Variants in CAMTA1 observed in about 807,000 individuals in gnomAD.
The protein encoded by CAMTA1 is calmodulin-binding transcription activator 1.
A neutral mutation model predicts 170.9 loss-of-function variants in CAMTA1; 27 were observed. The observed-to-expected ratio is 0.16, with a 90% confidence interval of 0.12 to 0.22. CAMTA1 has a LOEUF of 0.22. Among genes scored for constraint, CAMTA1 ranks in the 10% least tolerant of loss-of-function variants. The pLI is 1.00. For synonymous variants in CAMTA1, 833 were observed against 891.5 expected (o/e 0.93, Z 1.17); for missense variants, 1,619 against 2,217.2 (o/e 0.73, Z 5.42).
At chr1:7,479,976 T>C (rs905180466) in intron 6 of CAMTA1, among the ~76,000 whole-genome samples, 22 of 151,996 alleles carry the variant, frequency 1.4e-4, no homozygotes, top group Admixed American at 1.2e-3. Flanking sequence ...CAAGTGTGTA[T>C]ATATGTGAAT....
chr1:7,521,920 C>T (rs2094370966), intron 6 of CAMTA1, among the ~76,000 whole-genome samples: 1 of 152,216 alleles, frequency 6.6e-6, no homozygotes, highest in Non-Finnish European at 1.5e-5. Context: ...GAACCATTTA[C>T]TCATTGAAGG....
At chr1:7,420,894 C>A (rs141416209) in intron 5 of CAMTA1, among the ~76,000 whole-genome samples, 80 of 152,270 alleles carry the variant, frequency 5.3e-4, no homozygotes, top group African/African-American at 1.8e-3. Context: ...TGGACTTGAG[C>A]CTGAAGCACC....
chr1:7,316,861 G>C (rs1677590588), intron 5 of CAMTA1, among the ~76,000 whole-genome samples: 1 of 152,152 alleles, frequency 6.6e-6, no homozygotes, highest in African/African-American at 2.4e-5. Flanking sequence ...GCTGAAACTT[G>C]AGGGTGAGTT....
intron 3 of CAMTA1, among the ~76,000 whole-genome samples, chr1:6,973,307 C>A (rs549300043): frequency 2.0e-5 from 3 of 152,316 alleles, no homozygotes; most frequent in South Asian, 4.1e-4. Flanking sequence ...TCCTGACAAC[C>A]ACCACTGCAG....
In CAMTA1 at chr1:7,547,857, C is replaced by A. The variant is rs959888267; in HGVS notation, c.510+79956C>A. Among the ~76,000 whole-genome samples the A allele has an allele frequency of 1.2e-4, 18 of 152,120 alleles. No individual in the cohort carries two copies. Among genetic ancestry groups the A allele is most frequent in the African/African-American group, 4.1e-4 (17 of 41,400 alleles). ...CCCTCCAAACCCAGACTCTGACACC[C>A]CTTGCAAGGGCACTCCACTGTGTGG... is the stretch of plus-strand genomic sequence containing the variant. On this transcript the variant is annotated intron_variant, in intron 6 of 22. Coordinates refer to ENST00000303635, the MANE Select transcript of CAMTA1 (RefSeq NM_015215.4). The surrounding 1 kb of genome is among the most constrained non-coding windows in gnomAD (Gnocchi z 5.7).
At chr1:7,233,349 C>G (rs951974800) in intron 4 of CAMTA1, among the ~76,000 whole-genome samples, 1 of 152,118 alleles carries the variant, frequency 6.6e-6, no homozygotes, top group African/African-American at 2.4e-5. Flanking sequence ...GAGCAGGGCT[C>G]CCATCACTGT....
intron 4 of CAMTA1, among the ~76,000 whole-genome samples, chr1:7,193,162 C>A (rs1433021847): frequency 6.6e-6 from 1 of 151,900 alleles, no homozygotes; most frequent in Non-Finnish European, 1.5e-5. Context: ...ACCAGCCTGG[C>A]CAACATGGTG....
intron 5 of CAMTA1, among the ~76,000 whole-genome samples, chr1:7,403,828 G>A (rs1002455568): frequency 5.1e-4 from 78 of 152,202 alleles, no homozygotes; most frequent in African/African-American, 1.8e-3. Flanking sequence ...AATCCTCACC[G>A]CAACCCCCCA....
chr1:7,260,763 AT>A (rs1371860993), intron 5 of CAMTA1, among the ~76,000 whole-genome samples: 1 of 152,198 alleles, frequency 6.6e-6, no homozygotes, highest in Non-Finnish European at 1.5e-5. Flanking sequence ...CACAGATGCT[AT>A]TTGTCCATGT....
chr1:6,880,791 A>G (rs1671342099), intron 3 of CAMTA1, among the ~76,000 whole-genome samples: 1 of 151,882 alleles, frequency 6.6e-6, no homozygotes, highest in Non-Finnish European at 1.5e-5. Context: ...AAATTCAAAT[A>G]TTTGTTTGTT....
At chr1:7,061,006 C>T (rs1708122635) in intron 3 of CAMTA1, among the ~76,000 whole-genome samples, 2 of 152,130 alleles carry the variant, frequency 1.3e-5, no homozygotes, top group Non-Finnish European at 2.9e-5. Context: ...TTTATTCCCT[C>T]TCAATTTATT....
At position 7,248,186 on chromosome 1, in the gene CAMTA1, A is replaced by G. The variant is rs567723297; in HGVS notation, c.303-1305A>G. On this transcript the variant is annotated intron_variant, in intron 4 of 22. Transcript: ENST00000303635. The surrounding 1 kb of genome is among the most constrained non-coding windows in gnomAD (Gnocchi z 4.0). ...CAGACAATAGAATATGAAGCCATCA[A>G]CAGCCAATGTTCTGTGCTGCTTGTG... 6.6e-6 allele frequency among the ~76,000 whole-genome samples: 1 copy of G among 152,170 alleles called. No homozygotes were observed. Among genetic ancestry groups the G allele is most frequent in the African/African-American group, 2.4e-5 (1 of 41,444 alleles).
At position 6,973,797 on chromosome 1, in the gene CAMTA1, G is replaced by T. The variant is rs181311508; in HGVS notation, c.235-117507G>T. The stretch of plus-strand genomic sequence containing the variant: ...TCTTGGTCCCATGGCTGTTCATGTG[G>T]CCCTGAGAGCGAATGAAAGTATCGC... On this transcript the variant is annotated intron_variant, in intron 3 of 22. Coordinates refer to ENST00000303635, the MANE Select transcript of CAMTA1 (RefSeq NM_015215.4). 4.2e-3 allele frequency among the ~76,000 whole-genome samples: 634 copies of T among 152,272 alleles called. 4 individuals carry two copies. The highest frequency in any genetic ancestry group is 0.014 in the African/African-American group (592 of 41,548).
At chr1:7,529,366 A>AT (rs1044113192) in intron 6 of CAMTA1, among the ~76,000 whole-genome samples, 1 of 151,818 alleles carries the variant, frequency 6.6e-6, no homozygotes, top group African/African-American at 2.4e-5. Flanking sequence ...CTCTCGGTGC[A>AT]TACCATGTGG....
At chr1:7,122,936 G>A (rs1263301959) in intron 4 of CAMTA1, among the ~76,000 whole-genome samples, 4 of 152,162 alleles carry the variant, frequency 2.6e-5, no homozygotes, top group Non-Finnish European at 4.4e-5. Context: ...AAGTCAAGGC[G>A]CTCTGTAAAA....
In CAMTA1 at chr1:7,687,569, G is replaced by A. The variant is rs183038307; in HGVS notation, c.2914+9836G>A. ...CCTCCTGGACTCTTGCCTGGCCCAG[G>A]AGATCGCGTGCCTCCCACTGCCCCA... is the stretch of plus-strand genomic sequence containing the variant. On this transcript the variant is annotated intron_variant, in intron 11 of 22. Transcript: ENST00000303635. 1.5e-4 allele frequency among the ~76,000 whole-genome samples: 23 copies of A among 152,302 alleles called. 1 individual carries two copies. The highest frequency in any genetic ancestry group is 1.0e-3 in the South Asian group (5 of 4,824).
At chr1:7,356,533 A>T (rs2085127908) in intron 5 of CAMTA1, among the ~76,000 whole-genome samples, 3 of 152,102 alleles carry the variant, frequency 2.0e-5, no homozygotes. Flanking sequence ...GGTTCAGGGA[A>T]ATTTGGAAGT....
At position 7,284,177 on chromosome 1, in the gene CAMTA1, CTTATTATTATTATTA is replaced by C. The variant is rs537622620; in HGVS notation, c.438+34578_438+34592del. 3.1e-3 allele frequency among the ~76,000 whole-genome samples: 304 copies of C among 99,304 alleles called. 3 individuals carry two copies. Among genetic ancestry groups the C allele is most frequent in the African/African-American group, 0.011 (269 of 24,990 alleles). 65.1% of individuals were successfully genotyped at this position (99,304 alleles called of 152,430 possible). On this transcript the variant is annotated intron_variant, in intron 5 of 22. Coordinates refer to ENST00000303635, the MANE Select transcript of CAMTA1 (RefSeq NM_015215.4). ...TCTTCTTCTTCTTCTTCTTCTTCTT[CTTATTATTATTATTA>C]TTATTATTATTATTATTATTATTAT... is the stretch of plus-strand genomic sequence containing the variant.
At chr1:7,652,758 T>C (rs2095856006) in intron 7 of CAMTA1, among the ~76,000 whole-genome samples, 1 of 152,090 alleles carries the variant, frequency 6.6e-6, no homozygotes, top group Admixed American at 6.5e-5. Flanking sequence ...GTCGCTTTTC[T>C]CCTCTGCCCA....
Sources: gnomAD v4.1 joint callset for allele counts (sites outside exome capture counted in the v4.1 genomes callset) on GRCh38, gnomAD v4.1.1 for gene constraint, Gnocchi (gnomAD v3.1) non-coding constraint, MANE v1.5 for transcripts, NCBI Gene and HGNC (gene_info 2026-07-23, HGNC 2026-07-21) for gene names.